The following EXOC1 variants were observed in gnomAD, a reference collection of about 807,000 sequenced individuals.
The protein encoded by EXOC1 is exocyst complex component 1, also known as SEC3-like 1.
A neutral mutation model predicts 107.7 loss-of-function variants in EXOC1; 67 were observed. The ratio of observed to expected loss-of-function variants is 0.62; its 90% CI spans 0.51 to 0.76. EXOC1 has a LOEUF of 0.76. Ranked by LOEUF, EXOC1 falls within the 30% of genes least tolerant of loss-of-function variation. The pLI is 0.00. For synonymous variants in EXOC1, 348 were observed against 353.5 expected (o/e 0.98, Z 0.17); for missense variants, 833 against 1,055.7 (o/e 0.79, Z 2.92).
chr4:55,876,761 G>A (rs1415305213), intron 8 of EXOC1: 3 of 985,238 alleles, frequency 3.0e-6, no homozygotes, highest in Non-Finnish European at 2.4e-6. Flanking sequence ...TCTGAGAAGT[G>A]TATTGGTTGT....
chr4:55,881,243 C>T (rs1287909837), intron 9 of EXOC1, among the ~76,000 whole-genome samples: 1 of 152,088 alleles, frequency 6.6e-6, no homozygotes, highest in Non-Finnish European at 1.5e-5. Flanking sequence ...CTGGGTCATA[C>T]ATGTAGGGTA....
At chr4:55,869,201 A>G (rs1436861339) in intron 5 of EXOC1, among the ~76,000 whole-genome samples, 2 of 151,334 alleles carry the variant, frequency 1.3e-5, no homozygotes, top group East Asian at 1.9e-4. Flanking sequence ...CCACATCTCT[A>G]CTAAAAAAAA....
At chr4:55,857,837 G>A (rs1032654923) in intron 1 of EXOC1, among the ~76,000 whole-genome samples, 8 of 152,126 alleles carry the variant, frequency 5.3e-5, no homozygotes, top group African/African-American at 1.9e-4. Flanking sequence ...CCACCCTCAT[G>A]GGTGTAAAGT....
At chr4:55,867,630 G>A (rs1368525909) in intron 4 of EXOC1, among the ~76,000 whole-genome samples, 1 of 149,508 alleles carries the variant, frequency 6.7e-6, no homozygotes, top group Non-Finnish European at 1.5e-5. Context: ...TTGGTCTTTT[G>A]TTATAAAGCA....
chr4:55,898,836 C>T (rs903640006), intron 16 of EXOC1, among the ~76,000 whole-genome samples: 17 of 152,076 alleles, frequency 1.1e-4, no homozygotes. Flanking sequence ...TATCCATTTA[C>T]CAAATCTTCT....
At chr4:55,903,898 C>T (rs73238397) in intron 18 of EXOC1, among the ~76,000 whole-genome samples, 7,971 of 152,074 alleles carry the variant, frequency 0.052, 309 homozygotes, top group Non-Finnish European at 0.081. Context: ...ATAAAGAAAA[C>T]TTTAAATGTT....
intron 1 of EXOC1, among the ~76,000 whole-genome samples, chr4:55,855,321 GA>G (rs1347086448): frequency 6.6e-6 from 1 of 152,188 alleles, no homozygotes; most frequent in African/African-American, 2.4e-5. Context: ...TAGATGGGGG[GA>G]AATCGCAGAA....
chr4:55,876,631 C>T, intron 8 of EXOC1: 1 of 985,328 alleles, frequency 1.0e-6, no homozygotes, highest in Non-Finnish European at 1.2e-6. Context: ...CTGTGAACTT[C>T]TGTTGCCCCT....
chr4:55,904,750 A>C lies in EXOC1; in HGVS notation c.*255A>C, dbSNP rs2702348. The C allele has an allele frequency of 1.4e-5, 4 of 291,886 alleles. No individual in the cohort carries two copies. The highest frequency in any genetic ancestry group is 1.0e-4 in the Admixed American group (2 of 19,508). The allele number at this position is 291,886 out of a possible 1,614,324, so 18.1% of individuals were successfully genotyped here. On this transcript the variant is annotated 3_prime_UTR_variant, in exon 19 of 19. Coordinates refer to ENST00000381295, the MANE Select transcript of EXOC1 (RefSeq NM_001024924.2). ...CATAAAATGCCTTTAGCATTTCTCAATGACTGGATGGGAAATTTTCCTTTA... is the reference window on the plus strand; with the variant it reads ...CATAAAATGCCTTTAGCATTTCTCACTGACTGGATGGGAAATTTTCCTTTA...
chr4:55,876,674 G>A, intron 8 of EXOC1: 1 of 985,332 alleles, frequency 1.0e-6, no homozygotes, highest in Non-Finnish European at 1.2e-6. Context: ...GAACTGGTCA[G>A]TTTCATTTTG....
At chr4:55,895,050 A>G (rs761489153) in intron 15 of EXOC1, among the ~76,000 whole-genome samples, 5 of 152,208 alleles carry the variant, frequency 3.3e-5, no homozygotes, top group Non-Finnish European at 5.9e-5. Context: ...ATATTTTCTC[A>G]TAAGTTGCAT....
At chr4:55,867,397 A>G (rs996491858) in intron 4 of EXOC1, among the ~76,000 whole-genome samples, 6 of 152,184 alleles carry the variant, frequency 3.9e-5, no homozygotes, top group African/African-American at 1.4e-4. Flanking sequence ...AATGAATACT[A>G]AAAGCATCCA....
intron 12 of EXOC1, among the ~76,000 whole-genome samples, chr4:55,890,890 G>A (rs1018161410): frequency 1.2e-4 from 19 of 152,192 alleles, no homozygotes; most frequent in African/African-American, 4.6e-4. Context: ...ACCACACCCA[G>A]CTAATTTTTG....
chr4:55,883,941 A>G lies in EXOC1; in HGVS notation c.1330+13A>G. 1 of 1,551,430 alleles carries G rather than the reference A, an allele frequency of 6.4e-7. No homozygotes were observed. Among genetic ancestry groups the G allele is most frequent in the African/African-American group, 1.4e-5 (1 of 72,428 alleles). ...AGCAAGAAGTTTGGTAAGCTTAGGCATGTCAGTTCATTATCTTCCTATTAA... is the reference window on the plus strand; with the variant it reads ...AGCAAGAAGTTTGGTAAGCTTAGGCGTGTCAGTTCATTATCTTCCTATTAA... On this transcript the variant is annotated intron_variant, in intron 10 of 18. Coordinates refer to ENST00000381295, the MANE Select transcript of EXOC1 (RefSeq NM_001024924.2).
chr4:55,862,395 A>G (rs1036543575), intron 3 of EXOC1, among the ~76,000 whole-genome samples: 3 of 152,070 alleles, frequency 2.0e-5, no homozygotes, highest in Non-Finnish European at 4.4e-5. Context: ...ATTTTTATAC[A>G]TAACTTAACA....
In EXOC1 at chr4:55,868,222, CT is replaced by C. The variant is rs1460975107; in HGVS notation, c.416-109del. On this transcript the variant is annotated intron_variant, in intron 4 of 18. Transcript: ENST00000381295. ...CATATCATTTGAATCATTCTATCCT[CT>C]TTTTCAGCTGCTAAATGTGACCTGT... 2.3e-5 allele frequency: 16 copies of C among 710,114 alleles called. No homozygotes were observed. In the African/African-American group the frequency reaches 2.4e-4, roughly 11 times the overall value. The allele number at this position is 710,114 out of a possible 1,614,324, so 44.0% of individuals were successfully genotyped here. A position where few individuals can be genotyped will look rare whatever the true frequency, so the allele number is the denominator to read the frequency against.
At position 55,904,603 on chromosome 4, in the gene EXOC1, AT is replaced by A. The variant is rs1726408860; in HGVS notation, c.*110del. 1 of 1,149,848 alleles carries A rather than the reference AT, an allele frequency of 8.7e-7. No homozygotes were observed. The highest frequency in any genetic ancestry group is 2.7e-5 in the East Asian group (1 of 37,630). The allele number at this position is 1,149,848 out of a possible 1,614,324, so 71.2% of individuals were successfully genotyped here. On this transcript the variant is annotated 3_prime_UTR_variant, in exon 19 of 19. Transcript: ENST00000381295. ...AGAACCCAGACTTAAAATTTTATGT[AT>A]TATTAAATGTTAGATAAATGGGTAG...
At chr4:55,861,332 T>C (rs781511516) in intron 3 of EXOC1, among the ~76,000 whole-genome samples, 2 of 152,204 alleles carry the variant, frequency 1.3e-5, no homozygotes, top group African/African-American at 2.4e-5. Flanking sequence ...GCAAGGCTTA[T>C]ACTAGTGAAA....
At chr4:55,864,817 T>C (rs1577698571) in intron 4 of EXOC1, among the ~76,000 whole-genome samples, 1 of 152,236 alleles carries the variant, frequency 6.6e-6, no homozygotes, top group Non-Finnish European at 1.5e-5. Context: ...TAATCATTTA[T>C]TTTTTAATTT....
Sources: gnomAD v4.1 joint callset for allele counts (sites outside exome capture counted in the v4.1 genomes callset) on GRCh38, gnomAD v4.1.1 for gene constraint, MANE v1.5 for transcripts, NCBI Gene and HGNC (gene_info 2026-07-23, HGNC 2026-07-21) for gene names.